Variants in DNAJC13 observed in about 807,000 individuals in gnomAD.
DNAJC13 encodes DnaJ heat shock protein family (Hsp40) member C13, also known as dnaJ homolog subfamily C member 13.
In DNAJC13, 75 loss-of-function variants were observed where a neutral mutation model predicts 290.5. The ratio of observed to expected loss-of-function variants is 0.26; its 90% CI spans 0.21 to 0.31. The LOEUF (loss-of-function observed/expected upper bound fraction) is 0.31. Ranked by LOEUF, DNAJC13 falls within the 10% of genes least tolerant of loss-of-function variation. The pLI is 1.00. For missense variants in DNAJC13, 2,260 were observed against 2,674.5 expected, an observed-to-expected ratio of 0.85 and a Z score of 3.42; for synonymous variants, 862 against 892.0, an observed-to-expected ratio of 0.97 and a Z score of 0.60.
chr3:132,461,961 G>T (rs1933813290), intron 15 of DNAJC13, among the ~76,000 whole-genome samples: 1 of 152,050 alleles, frequency 6.6e-6, no homozygotes, highest in South Asian at 2.1e-4. Flanking sequence ...CCAAAGTGCT[G>T]GGATTACAAA....
intron 22 of DNAJC13, among the ~76,000 whole-genome samples, chr3:132,476,447 A>G (rs1934477417): frequency 6.6e-6 from 1 of 152,146 alleles, no homozygotes; most frequent in Admixed American, 6.5e-5. Flanking sequence ...GATTGCAACA[A>G]TGTCACTGCT....
intron 28 of DNAJC13, 48 bp downstream of exon 28, chr3:132,483,625 G>A (rs1465711505): frequency 1.3e-6 from 2 of 1,544,540 alleles, no homozygotes; most frequent in Non-Finnish European, 1.8e-6. Context: ...TGCTTCCTTA[G>A]TAACAGCATA....
chr3:132,505,035 C>G (rs1935541342), intron 41 of DNAJC13, among the ~76,000 whole-genome samples: 1 of 152,198 alleles, frequency 6.6e-6, no homozygotes. Flanking sequence ...ATGTTGAAGT[C>G]AGACTCAATT....
chr3:132,494,311 G>A, intron 34 of DNAJC13, 52 bp downstream of exon 34: 1 of 1,307,688 alleles, frequency 7.6e-7, no homozygotes, highest in Non-Finnish European at 1.1e-6. Context: ...TAAAGTACCA[G>A]TATCAAAGAC....
intron 21 of DNAJC13, among the ~76,000 whole-genome samples, chr3:132,474,101 A>ATTCT (rs1448766901): frequency 6.6e-6 from 1 of 152,208 alleles, no homozygotes; most frequent in African/African-American, 2.4e-5. Context: ...AGTTTGCAGT[A>ATTCT]TTCTTTCTTG....
chr3:132,439,418 G>A (rs1215989743), intron 2 of DNAJC13, among the ~76,000 whole-genome samples: 1 of 151,102 alleles, frequency 6.6e-6, no homozygotes, highest in East Asian at 1.9e-4. Flanking sequence ...TAACCTCCAG[G>A]AATACTGAGG....
intron 54 of DNAJC13, among the ~76,000 whole-genome samples, chr3:132,530,235 C>G (rs1936376500): frequency 6.6e-6 from 1 of 152,188 alleles, no homozygotes. Context: ...GTCTTCCCTA[C>G]TAGATTGTAA....
intron 1 of DNAJC13, among the ~76,000 whole-genome samples, chr3:132,424,027 T>C (rs760258372): frequency 2.6e-5 from 4 of 152,192 alleles, no homozygotes; most frequent in Non-Finnish European, 5.9e-5. Flanking sequence ...TAGTATAGTT[T>C]GTTCTTGCAT....
At chr3:132,481,287 G>C (rs1158964348) in intron 26 of DNAJC13, among the ~76,000 whole-genome samples, 1 of 152,184 alleles carries the variant, frequency 6.6e-6, no homozygotes, top group Admixed American at 6.5e-5. Flanking sequence ...CAAGGAAGGT[G>C]ATTGTAAGAA....
Position 132,453,376 on chromosome 3 carries a change from T to C in DNAJC13, c.616T>C (p.Leu206=), listed in dbSNP as rs370577221. 7.6e-5 allele frequency: 122 copies of C among 1,613,850 alleles called. No individual in the cohort carries two copies. Among genetic ancestry groups the C allele is most frequent in the Non-Finnish European group, 7.2e-5 (85 of 1,179,940 alleles). ...TGCTGGTAACTACATAGGTATTTCA[T>C]TGCGGATCAGGAAAGAGCCTTTAGA... is the stretch of plus-strand genomic sequence containing the variant. ...DHAGNYIGIS[L]RIRKEPLEFE... Residue 206 remains leucine (L), a synonymous_variant, in exon 7 of 56, where the codon TTG becomes CTG. Coordinates refer to ENST00000260818, the MANE Select transcript of DNAJC13 (RefSeq NM_015268.4).
intron 1 of DNAJC13, among the ~76,000 whole-genome samples, chr3:132,427,695 A>G (rs1939135479): frequency 6.6e-6 from 1 of 152,192 alleles, no homozygotes. Flanking sequence ...GATTTAGAGA[A>G]AATCAAGTAA....
chr3:132,466,874 C>T (rs1332915702), intron 19 of DNAJC13, among the ~76,000 whole-genome samples: 8 of 152,096 alleles, frequency 5.3e-5, no homozygotes, highest in African/African-American at 9.7e-5. Flanking sequence ...CTTTATGATA[C>T]ACTACTATAA....
chr3:132,434,109 C>T (rs1044596996), intron 1 of DNAJC13, among the ~76,000 whole-genome samples: 1 of 152,010 alleles, frequency 6.6e-6, no homozygotes, highest in Non-Finnish European at 1.5e-5. Context: ...ACTCTGGAGG[C>T]TGAGGAAGGA....
chr3:132,508,088 A>G (rs957579638), intron 43 of DNAJC13, among the ~76,000 whole-genome samples: 4 of 152,260 alleles, frequency 2.6e-5, no homozygotes, highest in African/African-American at 4.8e-5. Context: ...TGATTTGGAT[A>G]GAAGATCAGA....
At chr3:132,506,040 A>ATT (rs1935573217) in intron 42 of DNAJC13, among the ~76,000 whole-genome samples, 1 of 73,376 alleles carries the variant, frequency 1.4e-5, no homozygotes, top group African/African-American at 6.4e-5. Context: ...ATGTCTGTAC[A>ATT]TTATCTTTTT....
In DNAJC13 at chr3:132,460,226, CTGTT is replaced by C. The variant is rs751589506; in HGVS notation, c.1450-22_1450-19del. ...ACATGGGACTGCTTATGAATTATCA[CTGTT>C]TTTTTTTTTTCATCAATAGCCCATG... On this transcript the variant is annotated intron_variant, in intron 13 of 55. Transcript: ENST00000260818. 1.4e-6 allele frequency: 2 copies of C among 1,441,030 alleles called. No individual in the cohort carries two copies. Among genetic ancestry groups the C allele is most frequent in the South Asian group, 2.4e-5 (2 of 82,020 alleles). The allele number at this position is 1,441,030 out of a possible 1,614,324, so 89.3% of individuals were successfully genotyped here. A position where few individuals can be genotyped will look rare whatever the true frequency, so the allele number is the denominator to read the frequency against.
In DNAJC13 at chr3:132,496,680, C is replaced by A. The variant is rs377145544; in HGVS notation, c.4156+17C>A. The A allele has an allele frequency of 2.5e-6, 4 of 1,586,638 alleles. No individual in the cohort carries two copies. Among genetic ancestry groups the A allele is most frequent in the South Asian group, 1.2e-5 (1 of 85,414 alleles). ...ATAAAGAAGGTAAGATGTCTGTTCT[C>A]AGATTTTAATTTATCCTCCAGCTAA... On this transcript the variant is annotated intron_variant, in intron 36 of 55. Transcript: ENST00000260818.
At position 132,482,305 on chromosome 3, in the gene DNAJC13, G is replaced by A. The variant is rs755768939; in HGVS notation, c.2954G>A (p.Arg985Lys). Residue 985 changes from arginine to lysine, a missense_variant, in exon 27 of 56, where the codon AGG (arginine) becomes AAG (lysine). By Grantham distance (26) the Arg-to-Lys change is conservative. Transcript: ENST00000260818. ...EWYFGNADKE[R>K]SGPYGFHEMQ... The stretch of plus-strand genomic sequence containing the variant: ...TATTTTGGCAACGCAGACAAAGAAA[G>A]GAGTGGCCCGTATGGATTTCATGAG... The A allele has an allele frequency of 1.2e-6, 2 of 1,613,812 alleles. No individual in the cohort carries two copies. Among genetic ancestry groups the A allele is most frequent in the Admixed American group, 1.7e-5 (1 of 60,012 alleles).
At chr3:132,491,353 AATATAT>A (rs1166217204) in intron 32 of DNAJC13, among the ~76,000 whole-genome samples, 1 of 152,160 alleles carries the variant, frequency 6.6e-6, no homozygotes, top group African/African-American at 2.4e-5. Flanking sequence ...ATGAACTGAT[AATATAT>A]ATATAGGGAA....
Sources: gnomAD v4.1 joint callset for allele counts (sites outside exome capture counted in the v4.1 genomes callset) on GRCh38, gnomAD v4.1.1 for gene constraint, MANE v1.5 for transcripts, NCBI Gene and HGNC (gene_info 2026-07-23, HGNC 2026-07-21) for gene names.